Variants in NLN observed in about 807,000 individuals in gnomAD.
The protein encoded by NLN is neurolysin.
NLN carries 64 observed loss-of-function variants against 79.9 expected under a neutral mutation model. The observed-to-expected ratio is 0.80, with a 90% CI of 0.65 to 0.99. The LOEUF is 0.99. Among genes scored for constraint, NLN ranks in the 50% least tolerant of loss-of-function variants. The probability of loss-of-function intolerance (pLI) is 0.00; values close to 1 mark genes in which losing one functional copy is unlikely to be tolerated. For missense variants in NLN, 835 were observed against 858.7 expected (o/e 0.97, Z 0.34); for synonymous variants, 267 against 296.6 (o/e 0.90, Z 1.02).
At chr5:65,746,783 T>C (rs1214791939) in intron 1 of NLN, among the ~76,000 whole-genome samples, 1 of 152,080 alleles carries the variant, frequency 6.6e-6, no homozygotes, top group Non-Finnish European at 1.5e-5. Flanking sequence ...GGCAGGCGGA[T>C]CACAAGGTCA....
intron 3 of NLN, among the ~76,000 whole-genome samples, chr5:65,769,045 G>A (rs905431608): frequency 6.6e-6 from 1 of 152,216 alleles, no homozygotes; most frequent in African/African-American, 2.4e-5. Flanking sequence ...CAGGATGGTA[G>A]GACTTCTTTC....
intron 6 of NLN, among the ~76,000 whole-genome samples, chr5:65,783,270 G>A (rs1361195938): frequency 6.6e-6 from 1 of 152,118 alleles, no homozygotes; most frequent in East Asian, 1.9e-4. Context: ...ATTTTACATG[G>A]CTAAAATGGC....
intron 1 of NLN, among the ~76,000 whole-genome samples, chr5:65,727,925 C>A (rs969956381): frequency 3.3e-5 from 5 of 152,102 alleles, no homozygotes; most frequent in Non-Finnish European, 7.4e-5. Flanking sequence ...CACAACCACG[C>A]CTGGCTGATT....
chr5:65,788,591 T>C (rs1042802035), intron 8 of NLN, 107 bp downstream of exon 8: 21 of 1,129,638 alleles, frequency 1.9e-5, no homozygotes, highest in Non-Finnish European at 2.7e-5. Context: ...ATCCCAACAC[T>C]TTGGGAGGCC....
chr5:65,727,163 C>T (rs1758492716), intron 1 of NLN, among the ~76,000 whole-genome samples: 1 of 152,068 alleles, frequency 6.6e-6, no homozygotes, highest in African/African-American at 2.4e-5. Context: ...AAGTTATGTA[C>T]CTATGTATGT....
chr5:65,790,168 A>G (rs1760023481), intron 8 of NLN, among the ~76,000 whole-genome samples: 1 of 152,192 alleles, frequency 6.6e-6, no homozygotes, highest in African/African-American at 2.4e-5. Flanking sequence ...TCTTACAATT[A>G]CTAATCATTT....
chr5:65,769,622 C>A (rs1759526081), intron 3 of NLN, among the ~76,000 whole-genome samples: 1 of 152,154 alleles, frequency 6.6e-6, no homozygotes, highest in Non-Finnish European at 1.5e-5. Flanking sequence ...ATAAGACTAA[C>A]CGGTGTGTTG....
chr5:65,739,613 G>A (rs1342096136), intron 1 of NLN, among the ~76,000 whole-genome samples: 1 of 152,114 alleles, frequency 6.6e-6, no homozygotes, highest in Non-Finnish European at 1.5e-5. Context: ...ATGGCTGTAT[G>A]AATTCATATT....
At chr5:65,726,806 G>C (rs914767136) in intron 1 of NLN, among the ~76,000 whole-genome samples, 1 of 152,180 alleles carries the variant, frequency 6.6e-6, no homozygotes, top group African/African-American at 2.4e-5. Context: ...CACAGAATCT[G>C]CTCTGTTTCA....
At chr5:65,759,400 CTG>C (rs4019070) in intron 2 of NLN, among the ~76,000 whole-genome samples, 82,210 of 147,864 alleles carry the variant, frequency 0.56, 22,715 homozygotes, top group South Asian at 0.6. Flanking sequence ...GTGTGTGTGT[CTG>C]TGTGTGTGTG....
intron 1 of NLN, among the ~76,000 whole-genome samples, chr5:65,741,200 A>G (rs1272216005): frequency 6.6e-6 from 1 of 152,096 alleles, no homozygotes; most frequent in African/African-American, 2.4e-5. Flanking sequence ...GTGAGGTAGT[A>G]TGATACCTCC....
Position 65,812,406 on chromosome 5 carries a change from T to G in NLN, c.1980+15T>G. ...TGAATCCAGAGGTATAGTATTATTT[T>G]TCTCCTTTTATTAATTTTGTAGTTG... On this transcript the variant is annotated intron_variant, in intron 12 of 12. Transcript: ENST00000380985. The G allele has an allele frequency of 6.8e-7, 1 of 1,480,414 alleles. No homozygotes were observed. The highest frequency in any genetic ancestry group is 1.2e-5 in the South Asian group (1 of 86,174). 91.7% of individuals were successfully genotyped at this position (1,480,414 alleles called of 1,614,324 possible).
chr5:65,808,453 C>G (rs1760470311), intron 9 of NLN, among the ~76,000 whole-genome samples: 1 of 152,174 alleles, frequency 6.6e-6, no homozygotes, highest in Admixed American at 6.5e-5. Flanking sequence ...CAGTGAAAGA[C>G]AACGGAATGA....
At position 65,734,149 on chromosome 5, in the gene NLN, G is replaced by A. The variant is rs1183342846; in HGVS notation, c.41+11735G>A. Among the ~76,000 whole-genome samples the A allele has an allele frequency of 2.9e-5, 4 of 138,584 alleles. 2 individuals carry two copies. Among genetic ancestry groups the A allele is most frequent in the African/African-American group, 5.5e-5 (2 of 36,458 alleles). The allele number at this position is 138,584 out of a possible 152,430, so 90.9% of individuals were successfully genotyped here. ...CCTGACCTCGTGATCCACCCGCCTC[G>A]GCCTCCCAAAGTGTAATTTTTGTAT... is the stretch of plus-strand genomic sequence containing the variant. On this transcript the variant is annotated intron_variant, in intron 1 of 12. Coordinates refer to ENST00000380985, the MANE Select transcript of NLN (RefSeq NM_020726.5).
chr5:65,778,103 T>C (rs1759720060), intron 4 of NLN, among the ~76,000 whole-genome samples: 1 of 152,174 alleles, frequency 6.6e-6, no homozygotes, highest in Non-Finnish European at 1.5e-5. Flanking sequence ...GGGGCACTGA[T>C]TATAAAATCC....
Position 65,734,497 on chromosome 5 carries a change from C to T in NLN, c.41+12083C>T, listed in dbSNP as rs186557631. Among the ~76,000 whole-genome samples the T allele has an allele frequency of 3.8e-4, 33 of 87,906 alleles. 3 individuals are homozygous for T. The highest frequency in any genetic ancestry group is 1.2e-3 in the Admixed American group (12 of 10,190). The allele number at this position is 87,906 out of a possible 152,430, so 57.7% of individuals were successfully genotyped here. On this transcript the variant is annotated intron_variant, in intron 1 of 12. Coordinates refer to ENST00000380985, the MANE Select transcript of NLN (RefSeq NM_020726.5). ...GAATGATGCAGGAGTTACCCTCGCA[C>T]GGATGGTTATTTAAAAATGTCAAAA...
In NLN at chr5:65,792,533, G is replaced by A. The variant is rs1297790955; in HGVS notation, c.1405G>A (p.Val469Met). The change falls in exon 9 of 13, where the codon GTG becomes ATG. Residue 469 changes from valine to methionine, a missense_variant. Physicochemically the swap from Val to Met is conservative, Grantham distance 21 (BLOSUM62 1). Coordinates refer to ENST00000380985, the MANE Select transcript of NLN (RefSeq NM_020726.5). ...LLPDGSRMMA[V>M]AALVVNFSQP... Reference sequence around the variant, plus strand: ...GCCTGATGGAAGCCGGATGATGGCAGTGGCTGCCCTCGTGGTGAACTTCTC... The same window carrying A: ...GCCTGATGGAAGCCGGATGATGGCAATGGCTGCCCTCGTGGTGAACTTCTC... The A allele has an allele frequency of 1.2e-6, 2 of 1,614,058 alleles. No individual in the cohort carries two copies. The highest frequency in any genetic ancestry group is 1.7e-6 in the Non-Finnish European group (2 of 1,179,916).
intron 4 of NLN, among the ~76,000 whole-genome samples, chr5:65,778,574 G>A (rs1579943620): frequency 6.6e-6 from 1 of 152,128 alleles, no homozygotes; most frequent in Admixed American, 6.5e-5. Context: ...CATGAACACT[G>A]TATTAGTTAA....
chr5:65,774,738 T>A (rs1438715630), intron 3 of NLN, among the ~76,000 whole-genome samples: 28 of 149,626 alleles, frequency 1.9e-4, no homozygotes, highest in Admixed American at 3.3e-4. Context: ...TATTTTTTTT[T>A]TTTTTTGAGA....
Sources: allele counts gnomAD v4.1 joint callset (sites outside exome capture counted in the v4.1 genomes callset), GRCh38; gene constraint gnomAD v4.1.1; transcripts MANE v1.5; gene names NCBI Gene and HGNC (gene_info 2026-07-23, HGNC 2026-07-21).